The following FILIP1L variants were observed in gnomAD, a reference collection of about 807,000 sequenced individuals.
The protein encoded by FILIP1L is filamin A-interacting protein 1-like.
Under a neutral mutation model 96.6 loss-of-function variants are expected in FILIP1L, and 55 were observed. That is an observed-to-expected ratio of 0.57 (90% CI 0.46 to 0.71). The LOEUF (loss-of-function observed/expected upper bound fraction) is 0.71. FILIP1L is among the 30% of genes least tolerant of loss of function. The pLI, the probability that FILIP1L is intolerant of heterozygous loss-of-function variation, is 0.00. For synonymous variants in FILIP1L, 467 were observed against 473.9 expected (o/e 0.99, Z 0.19); for missense variants, 1,304 against 1,321.2 (o/e 0.99, Z 0.20).
At chr3:100,060,248 A>C (rs2065538687) in intron 1 of FILIP1L, among the ~76,000 whole-genome samples, 1 of 152,164 alleles carries the variant, frequency 6.6e-6, no homozygotes, top group Non-Finnish European at 1.5e-5. Flanking sequence ...AATAAAATCT[A>C]CTGGGAGGTA....
intron 4 of FILIP1L, among the ~76,000 whole-genome samples, chr3:99,894,178 A>G (rs1443036324): frequency 6.6e-6 from 1 of 152,272 alleles, no homozygotes; most frequent in African/African-American, 2.4e-5. Flanking sequence ...AGGTATTAAT[A>G]GAAAAGGAGA....
intron 1 of FILIP1L, among the ~76,000 whole-genome samples, chr3:100,003,182 T>C (rs1709892396): frequency 6.6e-6 from 1 of 152,182 alleles, no homozygotes; most frequent in Admixed American, 6.5e-5. Context: ...AGCACTTTTG[T>C]TGTAAGCCCA....
intron 5 of FILIP1L, chr3:99,833,277 AAGAAG>A (rs759557668): frequency 6.2e-7 from 1 of 1,603,466 alleles, no homozygotes; most frequent in Non-Finnish European, 8.5e-7. Flanking sequence ...GAGCAGTAGA[AAGAAG>A]AGGAGTAAAT....
intron 1 of FILIP1L, among the ~76,000 whole-genome samples, chr3:99,951,236 A>G (rs1451770542): frequency 6.6e-6 from 1 of 152,180 alleles, no homozygotes; most frequent in African/African-American, 2.4e-5. Context: ...CCCTGACTTC[A>G]TAACCACATT....
intron 1 of FILIP1L, among the ~76,000 whole-genome samples, chr3:99,939,543 T>G (rs1208742211): frequency 6.6e-6 from 1 of 152,216 alleles, no homozygotes; most frequent in Non-Finnish European, 1.5e-5. Flanking sequence ...ATGCATGGAA[T>G]TGGGTATAAT....
At chr3:100,058,737 G>T (rs1290053272) in intron 1 of FILIP1L, among the ~76,000 whole-genome samples, 1 of 152,192 alleles carries the variant, frequency 6.6e-6, no homozygotes, top group Non-Finnish European at 1.5e-5. Context: ...CCACTCAGAG[G>T]CTTTTCAGTA....
At chr3:100,025,247 G>A (rs536340193) in intron 1 of FILIP1L, among the ~76,000 whole-genome samples, 2 of 152,142 alleles carry the variant, frequency 1.3e-5, no homozygotes, top group Admixed American at 6.6e-5. Flanking sequence ...ACTGTTTGTG[G>A]CTATTTTTGT....
chr3:99,854,658 G>A (rs764065707), intron 4 of FILIP1L, among the ~76,000 whole-genome samples: 19 of 140,574 alleles, frequency 1.4e-4, no homozygotes, highest in African/African-American at 5.0e-4. Context: ...AATTAAAAAT[G>A]TTTCCAGACA....
At chr3:99,909,508 A>C (rs34518627) in intron 4 of FILIP1L, among the ~76,000 whole-genome samples, 1 of 152,140 alleles carries the variant, frequency 6.6e-6, no homozygotes, top group African/African-American at 2.4e-5. Flanking sequence ...TGAAAAGTCA[A>C]ATTTTCCTGC....
At chr3:100,056,251 C>T (rs2065462165) in intron 1 of FILIP1L, among the ~76,000 whole-genome samples, 1 of 152,204 alleles carries the variant, frequency 6.6e-6, no homozygotes, top group African/African-American at 2.4e-5. Flanking sequence ...TGACTCTCAG[C>T]TCTGGGATTT....
intron 1 of FILIP1L, among the ~76,000 whole-genome samples, chr3:100,000,089 A>G (rs1315942225): frequency 6.6e-6 from 1 of 152,166 alleles, no homozygotes; most frequent in African/African-American, 2.4e-5. Flanking sequence ...AGTTGATTCT[A>G]ATATATAATC....
chr3:100,058,062 G>A (rs2065495955), intron 1 of FILIP1L, among the ~76,000 whole-genome samples: 1 of 152,188 alleles, frequency 6.6e-6, no homozygotes, highest in South Asian at 2.1e-4. Context: ...CAGGCAATAT[G>A]CACAATTTTT....
At chr3:100,091,488 C>G (rs535449397) in intron 1 of FILIP1L, among the ~76,000 whole-genome samples, 9 of 152,314 alleles carry the variant, frequency 5.9e-5, no homozygotes, top group Non-Finnish European at 1.2e-4. Flanking sequence ...TTTAAAGATG[C>G]ATGCTGATAA....
At chr3:99,964,974 A>T (rs1708605975) in intron 1 of FILIP1L, among the ~76,000 whole-genome samples, 1 of 152,198 alleles carries the variant, frequency 6.6e-6, no homozygotes. Flanking sequence ...AAGAAACATG[A>T]TCCTTTTCAT....
intron 4 of FILIP1L, among the ~76,000 whole-genome samples, chr3:99,877,409 G>A (rs1705571672): frequency 6.6e-6 from 1 of 152,088 alleles, no homozygotes; most frequent in Admixed American, 6.5e-5. Flanking sequence ...TAGTGGAAAT[G>A]GTGTGGAATA....
chr3:99,974,389 C>CA (rs1311149538), intron 1 of FILIP1L, among the ~76,000 whole-genome samples: 6 of 152,046 alleles, frequency 3.9e-5, no homozygotes, highest in African/African-American at 1.4e-4. Flanking sequence ...ACTATCAGGT[C>CA]AAAAAACTTA....
rs1019266872 is a variant in FILIP1L, at chr3:100,076,863, A to G, written c.-11+37190T>C. ...CTTACTCAGTATTTACAGCTCTGCT[A>G]TCATTTCTTGCCCACTATTATGTCC... On this transcript the variant is annotated intron_variant, in intron 1 of 5. Coordinates refer to ENST00000477258, the MANE Select transcript of FILIP1L (RefSeq NM_001387850.1). Among the ~76,000 whole-genome samples the G allele has an allele frequency of 3.9e-5, 6 of 152,240 alleles. 1 individual carries two copies. The highest frequency in any genetic ancestry group is 4.1e-4 in the South Asian group (2 of 4,834).
rs201883219 is a variant in FILIP1L, at chr3:99,973,272, C to T, written c.-10-42242G>A. Among the ~76,000 whole-genome samples the T allele has an allele frequency of 5.9e-5, 9 of 152,168 alleles. No homozygotes were observed. The East Asian group carries it at 1.7e-3, about 29-fold the overall frequency. On this transcript the variant is annotated intron_variant, in intron 1 of 5. Transcript: ENST00000477258. Reference sequence around the variant, plus strand: ...TTGTGATCTCATTAGTGGATGTTAACAAATTTTAAATATTCATTTGAGAAT... The same window carrying T: ...TTGTGATCTCATTAGTGGATGTTAATAAATTTTAAATATTCATTTGAGAAT...
chr3:100,100,402 C>A (rs768430402), intron 1 of FILIP1L, among the ~76,000 whole-genome samples: 1 of 152,158 alleles, frequency 6.6e-6, no homozygotes, highest in Non-Finnish European at 1.5e-5. Context: ...TATTATCAGA[C>A]CCTGCAAAGT....
Sources: allele counts gnomAD v4.1 joint callset (sites outside exome capture counted in the v4.1 genomes callset), GRCh38; gene constraint gnomAD v4.1.1; transcripts MANE v1.5; gene names NCBI Gene and HGNC (gene_info 2026-07-23, HGNC 2026-07-21).